The following EMILIN2 variants were observed in gnomAD, a reference collection of about 807,000 sequenced individuals.
The protein encoded by EMILIN2 is EMILIN-2.
Under a neutral mutation model 87.1 loss-of-function variants are expected in EMILIN2, and 71 were observed. The ratio of observed to expected loss-of-function variants is 0.82; its 90% confidence interval spans 0.67 to 0.99. The LOEUF is 0.99. Ranked by LOEUF, EMILIN2 falls within the 50% of genes least tolerant of loss-of-function variation. EMILIN2 has a pLI of 0.00. For synonymous variants in EMILIN2, 581 were observed against 563.4 expected, an observed-to-expected ratio of 1.03 and a Z score of -0.44; for missense variants, 1,407 against 1,371.8, an observed-to-expected ratio of 1.03 and a Z score of -0.40.
chr18:2,885,096 C>T lies in EMILIN2; in HGVS notation c.390C>T (p.Arg130=), dbSNP rs1199899605. 6.2e-7 allele frequency: 1 copy of T among 1,612,588 alleles called. No individual in the cohort carries two copies. Among genetic ancestry groups the T allele is most frequent in the East Asian group, 2.2e-5 (1 of 44,860 alleles). The change falls in exon 3 of 8, where the codon CGC becomes CGT. Residue 130 remains arginine, a synonymous_variant. Coordinates refer to ENST00000254528, the MANE Select transcript of EMILIN2 (RefSeq NM_032048.3). ...EGPKDPVKTL[R]PTPARPRNSL... is the part of the protein sequence containing the mutation. ...CCAAAGACCCCGTGAAGACCCTCCG[C>T]CCCACGCCGGCTCGGCCTCGAAACA...
chr18:2,896,380 T>C (rs1465437279), intron 4 of EMILIN2, among the ~76,000 whole-genome samples: 8 of 152,046 alleles, frequency 5.3e-5, no homozygotes, highest in African/African-American at 1.9e-4. Flanking sequence ...TTCACCATGT[T>C]AGTCAGGCTG....
At chr18:2,906,305 CCCT>C (rs1248923661) in intron 4 of EMILIN2, 1 of 153,244 alleles carries the variant, frequency 6.5e-6, no homozygotes, top group Non-Finnish European at 1.5e-5. Flanking sequence ...GGAGCCTGAG[CCCT>C]CCTCACGGCC....
At chr18:2,863,222 A>C (rs1382389144) in intron 2 of EMILIN2, among the ~76,000 whole-genome samples, 2 of 151,958 alleles carry the variant, frequency 1.3e-5, no homozygotes, top group Non-Finnish European at 2.9e-5. Flanking sequence ...TATTTCCTTC[A>C]GTTCTGCTCT....
chr18:2,913,491 C>A lies in EMILIN2; in HGVS notation c.*87C>A, dbSNP rs1043981989. 8.9e-7 allele frequency: 1 copy of A among 1,129,748 alleles called. No homozygotes were observed. The highest frequency in any genetic ancestry group is 1.2e-6 in the Non-Finnish European group (1 of 806,368). The allele number at this position is 1,129,748 out of a possible 1,614,324, so 70.0% of individuals were successfully genotyped here. ...ATTCGGTTTGTATGTAATGGAAGCA[C>A]GGGGCTAGAGTTTCCACATAGGCCC... On this transcript the variant is annotated 3_prime_UTR_variant, in exon 8 of 8. Transcript: ENST00000254528.
rs150781671 is a variant in EMILIN2 at position 2,914,911 on chromosome 18, G to A, written c.*1507G>A. 0.02 allele frequency: 3,042 copies of A among 152,332 alleles called. 53 individuals carry two copies. Among genetic ancestry groups the A allele is most frequent in the Middle Eastern group, 0.048 (14 of 294 alleles). 9.4% of individuals were successfully genotyped at this position (152,332 alleles called of 1,614,324 possible). On this transcript the variant is annotated 3_prime_UTR_variant, in exon 8 of 8. Coordinates refer to ENST00000254528, the MANE Select transcript of EMILIN2 (RefSeq NM_032048.3). ...GGCATCTCACCCCATTACAACAGCT[G>A]GGGAACTGGCTAAAGAGAGCTGTCA...
rs371045642 is a variant in EMILIN2 at position 2,859,349 on chromosome 18, T to C, written c.257+11418T>C. ...GTTGAGGATTTTTTCATATGTTTTT[T>C]GGCCATTTGTACATCTTCTTTTGGG... On this transcript the variant is annotated intron_variant, in intron 2 of 7. Transcript: ENST00000254528. Among the ~76,000 whole-genome samples the C allele has an allele frequency of 3.9e-5, 6 of 152,376 alleles. No homozygotes were observed. In the East Asian group the frequency reaches 9.6e-4, roughly 24 times the overall value.
intron 2 of EMILIN2, among the ~76,000 whole-genome samples, chr18:2,852,064 G>C (rs1017034380): frequency 2.0e-5 from 3 of 152,160 alleles, no homozygotes; most frequent in Admixed American, 6.5e-5. Context: ...CTTTCGGTAG[G>C]TTGCACAGTA....
chr18:2,849,185 T>C (rs896507078), intron 2 of EMILIN2, among the ~76,000 whole-genome samples: 1 of 152,214 alleles, frequency 6.6e-6, no homozygotes, highest in Non-Finnish European at 1.5e-5. Flanking sequence ...CCTCATCGTC[T>C]ATGGCCAGCA....
At chr18:2,897,553 T>A (rs538752485) in intron 4 of EMILIN2, among the ~76,000 whole-genome samples, 1 of 152,288 alleles carries the variant, frequency 6.6e-6, no homozygotes, top group East Asian at 1.9e-4. Context: ...AAATTAGCGT[T>A]CAAATAGACA....
chr18:2,891,577 G>A lies in EMILIN2; in HGVS notation c.1450G>A (p.Gly484Ser). 1.2e-6 allele frequency: 2 copies of A among 1,614,070 alleles called. No homozygotes were observed. Among genetic ancestry groups the A allele is most frequent in the Middle Eastern group, 1.6e-4 (1 of 6,062 alleles). Residue 484 changes from glycine (G) to serine (S), a missense_variant, in exon 4 of 8, where the codon GGT becomes AGT. Transcript: ENST00000254528. This position sits in a 1 kb window ranked among gnomAD's most constrained non-coding sequence, Gnocchi z 4.6. ...TLRGAINGEV[G>S]DLKQLVDQKI... ...TCGGGGCGCCATTAATGGAGAGGTG[G>A]GTGACTTGAAGCAGCTTGTTGATCA...
chr18:2,847,063 C>A lies in EMILIN2; in HGVS notation c.-126C>A, dbSNP rs758296878. 1.9e-6 allele frequency: 2 copies of A among 1,076,618 alleles called. No individual in the cohort carries two copies. Among genetic ancestry groups the A allele is most frequent in the South Asian group, 4.7e-5 (2 of 42,644 alleles). The allele number at this position is 1,076,618 out of a possible 1,614,324, so 66.7% of individuals were successfully genotyped here. ...GGCGGCCGCGGAGCACTGGTTGGAG[C>A]GCCGCGAAGCGCCCGAGCCTCTTGC... On this transcript the variant is annotated 5_prime_UTR_variant, in exon 1 of 8. Transcript: ENST00000254528. This position sits in a 1 kb window ranked among gnomAD's most constrained non-coding sequence, Gnocchi z 4.5.
In EMILIN2 at chr18:2,913,427, G is replaced by C; in HGVS notation, c.*23G>C. On this transcript the variant is annotated 3_prime_UTR_variant, in exon 8 of 8. Transcript: ENST00000254528. ...TAAGGTGGCTGGGGAGATGTCAGGG[G>C]AAAGATAGATAGTTGTAAAAACTCT... is the stretch of plus-strand genomic sequence containing the variant. The C allele has an allele frequency of 6.5e-7, 1 of 1,528,736 alleles. No homozygotes were observed. The highest frequency in any genetic ancestry group is 8.8e-7 in the Non-Finnish European group (1 of 1,131,110). 94.7% of individuals were successfully genotyped at this position (1,528,736 alleles called of 1,614,324 possible). A position where few individuals can be genotyped will look rare whatever the true frequency, so the allele number is the denominator to read the frequency against.
chr18:2,897,875 A>G (rs887346241), intron 4 of EMILIN2, among the ~76,000 whole-genome samples: 3 of 151,988 alleles, frequency 2.0e-5, no homozygotes, highest in Non-Finnish European at 2.9e-5. Flanking sequence ...AAAAAAAAAA[A>G]AAAAGCCTAG....
chr18:2,847,460 G>T lies in EMILIN2; in HGVS notation c.134+138G>T, dbSNP rs1598481756. On this transcript the variant is annotated intron_variant, in intron 1 of 7. Coordinates refer to ENST00000254528, the MANE Select transcript of EMILIN2 (RefSeq NM_032048.3). This position sits in a 1 kb window ranked among gnomAD's most constrained non-coding sequence, Gnocchi z 4.5. ...GACTTCCCCGGGCGGCTCCCTCTGCGGGGGACCGCGCGCTCCGCAGCCGGC... is the reference window on the plus strand; with the variant it reads ...GACTTCCCCGGGCGGCTCCCTCTGCTGGGGACCGCGCGCTCCGCAGCCGGC... 4 of 1,034,780 alleles carry T rather than the reference G, an allele frequency of 3.9e-6. No homozygotes were observed. Among genetic ancestry groups the T allele is most frequent in the Non-Finnish European group, 5.0e-6 (4 of 798,874 alleles). 64.1% of individuals were successfully genotyped at this position (1,034,780 alleles called of 1,614,324 possible).
At position 2,890,525 on chromosome 18, in the gene EMILIN2, A is replaced by C; in HGVS notation, c.434-36A>C. ...TGGCAGAATCTGGCTAAAGGTAGAA[A>C]ATGTTCATTCATGTCCAACTTTATC... is the stretch of plus-strand genomic sequence containing the variant. On this transcript the variant is annotated intron_variant, in intron 3 of 7. Coordinates refer to ENST00000254528, the MANE Select transcript of EMILIN2 (RefSeq NM_032048.3). The surrounding 1 kb of genome is among the most constrained non-coding windows in gnomAD (Gnocchi z 4.7). 6.6e-7 allele frequency: 1 copy of C among 1,519,512 alleles called. No homozygotes were observed. Among genetic ancestry groups the C allele is most frequent in the Non-Finnish European group, 8.8e-7 (1 of 1,133,906 alleles). 94.1% of individuals were successfully genotyped at this position (1,519,512 alleles called of 1,614,324 possible).
rs377065601 is a variant in EMILIN2, at chr18:2,905,952, A to G, written c.2360-831A>G. Among the ~76,000 whole-genome samples, 312 of 152,102 alleles carry G rather than the reference A, an allele frequency of 2.1e-3. 3 individuals carry two copies. Among genetic ancestry groups the G allele is most frequent in the African/African-American group, 7.0e-3 (291 of 41,494 alleles). On this transcript the variant is annotated intron_variant, in intron 4 of 7. Transcript: ENST00000254528. ...TTAGGGAGTTTTAAAACAAAACTAG[A>G]CGGCAGGTCGGGAGGCAGCCGCCGA...
chr18:2,872,644 G>A (rs1484361277), intron 2 of EMILIN2, among the ~76,000 whole-genome samples: 2 of 152,158 alleles, frequency 1.3e-5, no homozygotes, highest in Non-Finnish European at 2.9e-5. Flanking sequence ...TTACTTACTT[G>A]GCAATCTCAG....
Position 2,906,791 on chromosome 18 carries a change from T to C in EMILIN2, c.2368T>C (p.Ser790Pro). ...TCCCCGACGCCCGGCAGAGGCGCCCTCGCCCCCGCCGCCCGCAGAGGCCCC... is the reference window on the plus strand; with the variant it reads ...TCCCCGACGCCCGGCAGAGGCGCCCCCGCCCCCGCCGCCCGCAGAGGCCCC... ...VKFQPSAKAP[S>P]PPPPAEAPKE... is the part of the protein sequence containing the mutation. The change falls in exon 5 of 8, where the codon TCG (serine) becomes CCG (proline). Residue 790 changes from serine to proline, a missense_variant. Transcript: ENST00000254528. 7.9e-7 allele frequency: 1 copy of C among 1,263,702 alleles called. No individual in the cohort carries two copies. The highest frequency in any genetic ancestry group is 9.9e-7 in the Non-Finnish European group (1 of 1,009,372). 78.3% of individuals were successfully genotyped at this position (1,263,702 alleles called of 1,614,324 possible). A position where few individuals can be genotyped will look rare whatever the true frequency, so the allele number is the denominator to read the frequency against.
intron 2 of EMILIN2, among the ~76,000 whole-genome samples, chr18:2,881,711 C>G (rs1464984723): frequency 6.6e-6 from 1 of 152,264 alleles, no homozygotes; most frequent in Non-Finnish European, 1.5e-5. Context: ...AGAGCAAACA[C>G]ATTTCACATT....
Sources: gnomAD v4.1 joint callset for allele counts (sites outside exome capture counted in the v4.1 genomes callset) on GRCh38, gnomAD v4.1.1 for gene constraint, Gnocchi (gnomAD v3.1) non-coding constraint, MANE v1.5 for transcripts, NCBI Gene and HGNC (gene_info 2026-07-23, HGNC 2026-07-21) for gene names.